The following ADGRB3 variants were observed in gnomAD, a reference collection of about 807,000 sequenced individuals.
The protein encoded by ADGRB3 is adhesion G protein-coupled receptor B3, also known as brain-specific angiogenesis inhibitor 3.
ADGRB3 carries 37 observed loss-of-function variants against 193.4 expected under a neutral mutation model. That is an observed-to-expected ratio of 0.19 (90% CI 0.15 to 0.25). The LOEUF is 0.25. Among genes scored for constraint, ADGRB3 ranks in the 10% least tolerant of loss-of-function variants. ADGRB3 has a pLI of 1.00. For missense variants in ADGRB3, 1,637 were observed against 1,852.9 expected (o/e 0.88, Z 2.14); for synonymous variants, 690 against 644.2 (o/e 1.07, Z -1.08).
intron 3 of ADGRB3, among the ~76,000 whole-genome samples, chr6:68,912,302 A>C (rs1455443057): frequency 6.6e-6 from 1 of 151,512 alleles, no homozygotes; most frequent in Admixed American, 6.6e-5. Flanking sequence ...TAATATTAAC[A>C]CTTATTAATG....
intron 8 of ADGRB3, among the ~76,000 whole-genome samples, chr6:68,974,511 T>C (rs1162084834): frequency 6.6e-6 from 1 of 152,088 alleles, no homozygotes; most frequent in Non-Finnish European, 1.5e-5. Flanking sequence ...CACACGTCTG[T>C]AGTCCTAGTT....
intron 3 of ADGRB3, among the ~76,000 whole-genome samples, chr6:68,796,193 A>G (rs1562033354): frequency 6.6e-6 from 1 of 150,818 alleles, no homozygotes; most frequent in Non-Finnish European, 1.5e-5. Flanking sequence ...ATATATCTAT[A>G]AACCACCTGG....
rs193023064 is a variant in ADGRB3 at position 68,660,870 on chromosome 6, A to G, written c.757+21438A>G. On this transcript the variant is annotated intron_variant, in intron 3 of 31. Coordinates refer to ENST00000370598, the MANE Select transcript of ADGRB3 (RefSeq NM_001704.3). ...GTTACAATAGTTGTGGATGGCAGGC[A>G]TGTACACAATTTATATGAAATAAGC... Among the ~76,000 whole-genome samples the G allele has an allele frequency of 3.2e-4, 48 of 151,310 alleles. 1 individual carries two copies. Among genetic ancestry groups the G allele is most frequent in the Middle Eastern group, 3.4e-3 (1 of 294 alleles).
chr6:69,347,623 A>G (rs1180151561), intron 26 of ADGRB3, among the ~76,000 whole-genome samples: 6 of 152,070 alleles, frequency 3.9e-5, no homozygotes, highest in Non-Finnish European at 7.4e-5. Context: ...ACAAAAAAAA[A>G]TTTAAAAAAC....
intron 17 of ADGRB3, among the ~76,000 whole-genome samples, chr6:69,113,926 C>T (rs1047729389): frequency 1.3e-5 from 2 of 152,102 alleles, no homozygotes; most frequent in African/African-American, 4.8e-5. Flanking sequence ...CTTTCAAATG[C>T]ATATTAAAAC....
intron 17 of ADGRB3, among the ~76,000 whole-genome samples, chr6:69,200,063 G>A (rs1221531068): frequency 6.6e-6 from 1 of 151,948 alleles, no homozygotes; most frequent in Non-Finnish European, 1.5e-5. Context: ...GATTGCTAGA[G>A]CTTGATGTCA....
chr6:69,313,708 T>A (rs914631055), intron 20 of ADGRB3, among the ~76,000 whole-genome samples: 1 of 151,788 alleles, frequency 6.6e-6, no homozygotes, highest in African/African-American at 2.4e-5. Context: ...GTAAATCAGT[T>A]TCTATCTTAC....
chr6:69,389,084 C>T lies in ADGRB3; in HGVS notation c.*193C>T. The T allele has an allele frequency of 2.0e-6, 1 of 507,840 alleles. No individual in the cohort carries two copies. 31.5% of individuals were successfully genotyped at this position (507,840 alleles called of 1,614,324 possible). On this transcript the variant is annotated 3_prime_UTR_variant, in exon 32 of 32. Transcript: ENST00000370598. ...TGGAGAGATGACCAGGTGTACAGTT[C>T]TGACCATCCTGTGTTGTAAGTACCC...
At chr6:68,661,657 A>G (rs1768664522) in intron 3 of ADGRB3, among the ~76,000 whole-genome samples, 1 of 149,612 alleles carries the variant, frequency 6.7e-6, no homozygotes, top group Non-Finnish European at 1.5e-5. Context: ...AGCTTTAAAT[A>G]AAGCTAAATA....
At chr6:68,941,922 T>A (rs959970578) in intron 5 of ADGRB3, among the ~76,000 whole-genome samples, 12 of 148,164 alleles carry the variant, frequency 8.1e-5, no homozygotes, top group East Asian at 3.9e-4. Flanking sequence ...AGACTTACTT[T>A]TATATATATA....
intron 17 of ADGRB3, among the ~76,000 whole-genome samples, chr6:69,198,801 A>G (rs552441732): frequency 6.6e-6 from 1 of 152,120 alleles, no homozygotes; most frequent in Admixed American, 6.6e-5. Flanking sequence ...AAGTGTGTCA[A>G]TGATGCCTAA....
At chr6:68,956,567 G>T (rs1768082415) in intron 7 of ADGRB3, 78 bp from the exon 8 acceptor site, 1 of 1,553,390 alleles carries the variant, frequency 6.4e-7, no homozygotes, top group Admixed American at 1.7e-5. Context: ...GGAAGGGGTA[G>T]TAACATTCTC....
intron 8 of ADGRB3, among the ~76,000 whole-genome samples, chr6:68,969,072 A>C (rs9454661): frequency 0.67 from 100,750 of 151,488 alleles, 33,705 homozygotes; most frequent in Middle Eastern, 0.8. Flanking sequence ...TTTTGAACAC[A>C]TACTGTATAC....
intron 3 of ADGRB3, among the ~76,000 whole-genome samples, chr6:68,878,172 A>T (rs1195526727): frequency 6.6e-6 from 1 of 152,012 alleles, no homozygotes; most frequent in Non-Finnish European, 1.5e-5. Flanking sequence ...ATAACTTTTT[A>T]AAATACTTCT....
chr6:68,653,057 A>G (rs1768404541), intron 3 of ADGRB3, among the ~76,000 whole-genome samples: 1 of 152,096 alleles, frequency 6.6e-6, no homozygotes, highest in Admixed American at 6.6e-5. Flanking sequence ...GTTGTGAGCA[A>G]AAGTGACATT....
intron 3 of ADGRB3, among the ~76,000 whole-genome samples, chr6:68,925,984 A>T (rs1345375048): frequency 6.6e-6 from 1 of 152,048 alleles, no homozygotes; most frequent in Non-Finnish European, 1.5e-5. Context: ...ATATTTATGG[A>T]TAATAACCTT....
At chr6:68,748,474 T>G (rs932220838) in intron 3 of ADGRB3, among the ~76,000 whole-genome samples, 2 of 152,090 alleles carry the variant, frequency 1.3e-5, no homozygotes, top group Admixed American at 6.5e-5. Context: ...GCAGTCAAAT[T>G]TTAAAGCTCC....
chr6:68,842,292 A>G (rs1236430849), intron 3 of ADGRB3, among the ~76,000 whole-genome samples: 1 of 151,936 alleles, frequency 6.6e-6, no homozygotes, highest in African/African-American at 2.4e-5. Flanking sequence ...GGCTAACTAA[A>G]AAAAATCCAA....
At chr6:68,903,623 A>G (rs769805350) in intron 3 of ADGRB3, among the ~76,000 whole-genome samples, 2 of 152,134 alleles carry the variant, frequency 1.3e-5, no homozygotes, top group Non-Finnish European at 2.9e-5. Context: ...AACACTTATA[A>G]CACTCTAAGA....
Sources: gnomAD v4.1 joint callset for allele counts (sites outside exome capture counted in the v4.1 genomes callset) on GRCh38, gnomAD v4.1.1 for gene constraint, MANE v1.5 for transcripts, NCBI Gene and HGNC (gene_info 2026-07-23, HGNC 2026-07-21) for gene names.